The following LAMB1 variants were observed in gnomAD, a reference collection of about 807,000 sequenced individuals.
LAMB1 encodes laminin subunit beta 1, also known as laminin subunit beta-1.
In LAMB1, 121 loss-of-function variants were observed where a neutral mutation model predicts 222.3. The ratio of observed to expected loss-of-function variants is 0.54; its 90% CI spans 0.47 to 0.63. The LOEUF (loss-of-function observed/expected upper bound fraction) is 0.63. Among genes scored for constraint, LAMB1 ranks in the 30% least tolerant of loss-of-function variants. The pLI, the probability that LAMB1 is intolerant of heterozygous loss-of-function variation, is 0.00. For missense variants in LAMB1, 2,172 were observed against 2,240.8 expected, an observed-to-expected ratio of 0.97 and a Z score of 0.62; for synonymous variants, 794 against 807.2, an observed-to-expected ratio of 0.98 and a Z score of 0.28.
At chr7:107,981,651 C>T (rs188091664) in intron 7 of LAMB1, among the ~76,000 whole-genome samples, 1 of 152,124 alleles carries the variant, frequency 6.6e-6, no homozygotes, top group Non-Finnish European at 1.5e-5. Flanking sequence ...CTGGAACCTG[C>T]GGGCAGACAG....
chr7:107,934,902 T>TA lies in LAMB1; in HGVS notation c.4188+512dup, dbSNP rs60067306. Among the ~76,000 whole-genome samples, 570 of 76,782 alleles carry TA rather than the reference T, an allele frequency of 7.4e-3. 3 individuals carry two copies. Among genetic ancestry groups the TA allele is most frequent in the African/African-American group, 0.014 (245 of 17,968 alleles). 50.4% of individuals were successfully genotyped at this position (76,782 alleles called of 152,430 possible). ...GCAACGTAGTGAGACTCCATCTCTT[T>TA]AAAAAAAAAAAAAAAAAAGCGGGGG... On this transcript the variant is annotated intron_variant, in intron 27 of 33. Coordinates refer to ENST00000222399, the MANE Select transcript of LAMB1 (RefSeq NM_002291.3).
chr7:107,928,939 G>C, intron 31 of LAMB1, 125 bp downstream of exon 31: 1 of 947,804 alleles, frequency 1.1e-6, no homozygotes, highest in Admixed American at 2.1e-5. Flanking sequence ...GAGTAGTTTA[G>C]ATTTATTAAA....
rs201668649 is a variant in LAMB1, at chr7:107,935,509, G to A, written c.4094C>T (p.Ser1365Phe). 1.2e-6 allele frequency: 2 copies of A among 1,613,934 alleles called. No homozygotes were observed. Among genetic ancestry groups the A allele is most frequent in the Middle Eastern group, 3.3e-4 (2 of 6,060 alleles). The change falls in exon 27 of 34, where the codon TCC (serine) becomes TTC (phenylalanine). Residue 1365 changes from serine (S) to phenylalanine (F), a missense_variant. Transcript: ENST00000222399. ...CTCCTCTTGTTTTTCCTTGAACTGG[G>A]ATTCTCGCTCCATCATCACGTCTTC... Reference protein sequence around the residue: ...RVEDVMMERESQFKEKQEEQA... With the variant: ...RVEDVMMEREFQFKEKQEEQA...
chr7:107,975,182 T>C, intron 11 of LAMB1, 52 bp downstream of exon 11: 3 of 1,578,528 alleles, frequency 1.9e-6, no homozygotes, highest in Non-Finnish European at 2.6e-6. Context: ...CAAAGTAAAA[T>C]GGGAATTTCA....
intron 29 of LAMB1, 31 bp downstream of exon 29, chr7:107,931,325 T>A: frequency 1.9e-6 from 3 of 1,539,700 alleles, no homozygotes; most frequent in Non-Finnish European, 2.7e-6. Flanking sequence ...CAGAAACAAA[T>A]GTCTAAAAGT....
intron 24 of LAMB1, among the ~76,000 whole-genome samples, chr7:107,941,561 T>C (rs1304282387): frequency 6.6e-6 from 1 of 152,138 alleles, no homozygotes; most frequent in African/African-American, 2.4e-5. Context: ...AGTCTAGGCA[T>C]GCAAGGACAC....
chr7:107,929,897 T>G (rs776961325), intron 29 of LAMB1: 1 of 471,312 alleles, frequency 2.1e-6, no homozygotes, highest in Non-Finnish European at 3.8e-6. Context: ...CTGATCAGAT[T>G]TTAAGGGATA....
chr7:107,962,785 T>A (rs1038333295), intron 15 of LAMB1, 120 bp downstream of exon 15: 1 of 621,958 alleles, frequency 1.6e-6, no homozygotes, highest in African/African-American at 1.9e-5. Context: ...ACTATAGGAA[T>A]CTGATCTGTT....
At chr7:107,950,307 G>A (rs917821383) in intron 24 of LAMB1, among the ~76,000 whole-genome samples, 3 of 151,342 alleles carry the variant, frequency 2.0e-5, no homozygotes, top group African/African-American at 7.3e-5. Context: ...GAGCACTTAA[G>A]AAACTACAGA....
intron 26 of LAMB1, among the ~76,000 whole-genome samples, chr7:107,935,981 CTT>C (rs1026840883): frequency 2.0e-5 from 3 of 152,164 alleles, no homozygotes; most frequent in Admixed American, 6.5e-5. Flanking sequence ...GACTAGATGA[CTT>C]TTCTCAATCC....
At position 107,961,699 on chromosome 7, in the gene LAMB1, A is replaced by G. The variant is rs780540811; in HGVS notation, c.1858-23T>C. On this transcript the variant is annotated intron_variant, in intron 15 of 33. Coordinates refer to ENST00000222399, the MANE Select transcript of LAMB1 (RefSeq NM_002291.3). ...TAGCTAGAATAAGAAACAAACAATGAAAAGATAGTTAGCCCACCACTGCCT... is the reference window on the plus strand; with the variant it reads ...TAGCTAGAATAAGAAACAAACAATGGAAAGATAGTTAGCCCACCACTGCCT... The G allele has an allele frequency of 1.9e-5, 30 of 1,605,680 alleles. No homozygotes were observed. The East Asian group carries it at 6.7e-4, about 36-fold the overall frequency.
intron 11 of LAMB1, 62 bp from the exon 12 acceptor site, chr7:107,975,160 G>T: frequency 6.4e-7 from 1 of 1,555,572 alleles, no homozygotes; most frequent in Non-Finnish European, 8.9e-7. Context: ...TAATAATCTG[G>T]CTTTGGAATT....
chr7:107,965,075 C>T (rs1312455621), intron 13 of LAMB1, among the ~76,000 whole-genome samples: 2 of 152,188 alleles, frequency 1.3e-5, no homozygotes, highest in Non-Finnish European at 2.9e-5. Context: ...GCATCCCAAA[C>T]CAACGGATCT....
At chr7:107,951,437 T>C in intron 23 of LAMB1, 115 bp from the exon 24 acceptor site, 1 of 861,472 alleles carries the variant, frequency 1.2e-6, no homozygotes, top group South Asian at 1.7e-5. Flanking sequence ...TGAGAAGGTC[T>C]CCATTGACTA....
chr7:107,932,447 G>T, intron 27 of LAMB1, 70 bp from the exon 28 acceptor site: 1 of 1,481,944 alleles, frequency 6.7e-7, no homozygotes, highest in South Asian at 1.1e-5. Flanking sequence ...AGCTGTGCAG[G>T]GCCTGGGTGG....
intron 2 of LAMB1, chr7:108,002,039 C>T (rs2034398258): frequency 6.9e-7 from 1 of 1,444,094 alleles, no homozygotes; most frequent in Admixed American, 2.7e-5. Flanking sequence ...GGGAGCAGCT[C>T]CCCCAACAAA....
intron 27 of LAMB1, among the ~76,000 whole-genome samples, chr7:107,933,392 A>T (rs1418655139): frequency 6.6e-6 from 1 of 152,258 alleles, no homozygotes; most frequent in Non-Finnish European, 1.5e-5. Flanking sequence ...TAATTTTAAG[A>T]TAATTATAAT....
rs148957264 is a variant in LAMB1 at position 107,946,144 on chromosome 7, G to A, written c.3391+5082C>T. Among the ~76,000 whole-genome samples the A allele has an allele frequency of 2.8e-3, 427 of 152,298 alleles. 2 individuals are homozygous for A. The highest frequency in any genetic ancestry group is 9.7e-3 in the African/African-American group (402 of 41,562). ...TCAGGTAATGGGGTTTTCTTCTGCC[G>A]TGGACCTTGCCTCAAAGCAACGTGG... On this transcript the variant is annotated intron_variant, in intron 24 of 33. Transcript: ENST00000222399.
chr7:107,977,911 G>A (rs2033899658), intron 9 of LAMB1, 136 bp downstream of exon 9: 3 of 870,894 alleles, frequency 3.4e-6, no homozygotes, highest in African/African-American at 1.7e-5. Flanking sequence ...TTGTCTAGGA[G>A]TATCAGGGTG....
Sources: gnomAD v4.1 joint callset for allele counts (sites outside exome capture counted in the v4.1 genomes callset) on GRCh38, gnomAD v4.1.1 for gene constraint, MANE v1.5 for transcripts, NCBI Gene and HGNC (gene_info 2026-07-23, HGNC 2026-07-21) for gene names.